Variants in UGT1A10 observed in about 807,000 individuals in gnomAD.
UGT1A10 encodes UDP glucuronosyltransferase family 1 member A10.
In UGT1A10, 49 loss-of-function variants were observed where a neutral mutation model predicts 45.8. That is an observed-to-expected ratio of 1.07 (90% CI 0.85 to 1.36). UGT1A10 has a LOEUF of 1.36. UGT1A10 is among the 40% of genes most tolerant of loss of function. The pLI is 0.00. For synonymous variants in UGT1A10, 284 were observed against 249.7 expected, an observed-to-expected ratio of 1.14 and a Z score of -1.29; for missense variants, 745 against 668.6, an observed-to-expected ratio of 1.11 and a Z score of -1.26.
chr2:233,693,106 G>T, intron 1 of UGT1A10: 2 of 1,614,158 alleles, frequency 1.2e-6, no homozygotes, highest in Non-Finnish European at 8.5e-7. Flanking sequence ...TGGTCCCTCA[G>T]GACGGAAGCC....
At chr2:233,747,780 C>T (rs1371324079) in intron 1 of UGT1A10, 2 of 1,613,384 alleles carry the variant, frequency 1.2e-6, no homozygotes, top group Non-Finnish European at 1.7e-6. Flanking sequence ...GTGTCCAAAT[C>T]CTTCCTCCTA....
chr2:233,761,935 G>A (rs1036526239), intron 1 of UGT1A10, among the ~76,000 whole-genome samples: 1 of 152,192 alleles, frequency 6.6e-6, no homozygotes, highest in African/African-American at 2.4e-5. Context: ...GCACTTCCCA[G>A]GTGCTGCGTC....
intron 1 of UGT1A10, among the ~76,000 whole-genome samples, chr2:233,763,089 A>C (rs1698233437): frequency 6.6e-6 from 1 of 152,238 alleles, no homozygotes; most frequent in South Asian, 2.1e-4. Flanking sequence ...GGATGTTTGT[A>C]GGAGAGGCAC....
chr2:233,642,521 C>G (rs764178455), intron 1 of UGT1A10, among the ~76,000 whole-genome samples: 9 of 152,176 alleles, frequency 5.9e-5, no homozygotes, highest in Non-Finnish European at 1.0e-4. Context: ...GTCCCTGGCA[C>G]CTTATTTAAT....
chr2:233,725,428 A>G (rs1391321502), intron 1 of UGT1A10, among the ~76,000 whole-genome samples: 1 of 151,952 alleles, frequency 6.6e-6, no homozygotes, highest in Non-Finnish European at 1.5e-5. Flanking sequence ...CAATAGAAAT[A>G]TAATGTAAGC....
intron 1 of UGT1A10, chr2:233,741,740 C>T (rs1158976781): frequency 6.6e-6 from 1 of 151,864 alleles, no homozygotes; most frequent in Non-Finnish European, 1.5e-5. Flanking sequence ...CCATATCACA[C>T]TCTTTGTTGG....
chr2:233,751,840 C>T (rs55891750), intron 1 of UGT1A10, among the ~76,000 whole-genome samples: 9,684 of 152,142 alleles, frequency 0.064, 535 homozygotes, highest in African/African-American at 0.14. Context: ...GGAACTGAGT[C>T]ATTTAAACCT....
chr2:233,766,305 G>A (rs1441767002), intron 1 of UGT1A10, among the ~76,000 whole-genome samples: 4 of 152,018 alleles, frequency 2.6e-5, no homozygotes, highest in African/African-American at 7.2e-5. Flanking sequence ...GCTCTCCTCC[G>A]ACTGCCTCAG....
At chr2:233,754,637 G>C (rs1695540827) in intron 1 of UGT1A10, 2 of 446,646 alleles carry the variant, frequency 4.5e-6, no homozygotes, top group African/African-American at 4.1e-5. Context: ...CCCTTTCTTG[G>C]CCATTCTCAA....
intron 1 of UGT1A10, among the ~76,000 whole-genome samples, chr2:233,639,346 G>A (rs1312389068): frequency 6.6e-6 from 1 of 152,182 alleles, no homozygotes; most frequent in Non-Finnish European, 1.5e-5. Context: ...TTCTCACAGA[G>A]GAATTCGATC....
intron 1 of UGT1A10, chr2:233,729,060 A>T: frequency 1.9e-6 from 3 of 1,610,660 alleles, no homozygotes; most frequent in Non-Finnish European, 2.5e-6. Context: ...GGTAATTAAG[A>T]TGAAGAAAGC....
At chr2:233,645,053 T>A (rs919542237) in intron 1 of UGT1A10, among the ~76,000 whole-genome samples, 2 of 152,208 alleles carry the variant, frequency 1.3e-5, no homozygotes, top group African/African-American at 4.8e-5. Flanking sequence ...CCTTTAGGGT[T>A]CTGGGTGGCT....
chr2:233,737,006 T>G (rs924545231), intron 1 of UGT1A10, among the ~76,000 whole-genome samples: 1 of 152,144 alleles, frequency 6.6e-6, no homozygotes, highest in African/African-American at 2.4e-5. Flanking sequence ...GGGACCCGCT[T>G]GAGGAGGCAG....
chr2:233,688,503 T>G (rs1400244205), intron 1 of UGT1A10, among the ~76,000 whole-genome samples: 1 of 152,180 alleles, frequency 6.6e-6, no homozygotes, highest in Non-Finnish European at 1.5e-5. Context: ...GAATGTCACA[T>G]GCAGTGAAAT....
intron 1 of UGT1A10, among the ~76,000 whole-genome samples, chr2:233,736,484 A>T (rs1388526766): frequency 6.6e-6 from 1 of 152,156 alleles, no homozygotes; most frequent in Admixed American, 6.5e-5. Context: ...GAGGTTTGTT[A>T]CTACCAAACT....
intron 1 of UGT1A10, chr2:233,691,760 C>A: frequency 2.3e-6 from 1 of 437,874 alleles, no homozygotes; most frequent in Non-Finnish European, 3.0e-6. Flanking sequence ...CTGACTCCTG[C>A]TCTAGGATTC....
chr2:233,719,363 C>T (rs569317540), intron 1 of UGT1A10: 1 of 1,613,942 alleles, frequency 6.2e-7, no homozygotes, highest in Non-Finnish European at 8.5e-7. Context: ...GTGACTTAGA[C>T]TTTAAGGGCA....
At chr2:233,742,932 T>A in intron 1 of UGT1A10, 1 of 195,120 alleles carries the variant, frequency 5.1e-6, no homozygotes. Flanking sequence ...CTGAACATTC[T>A]GTCCTACCAC....
chr2:233,760,196 A>G, intron 1 of UGT1A10: 1 of 1,576,328 alleles, frequency 6.3e-7, no homozygotes, highest in Middle Eastern at 2.3e-4. Flanking sequence ...CACGTGACAC[A>G]GTCAAACATT....
Sources: gnomAD v4.1 joint callset for allele counts (sites outside exome capture counted in the v4.1 genomes callset) on GRCh38, gnomAD v4.1.1 for gene constraint, MANE v1.5 for transcripts, NCBI Gene and HGNC (gene_info 2026-07-23, HGNC 2026-07-21) for gene names.